The following CBR4 variants were observed in gnomAD, a reference collection of about 807,000 sequenced individuals.
CBR4 encodes the protein carbonyl reductase 4.
Under a neutral mutation model 21.0 loss-of-function variants are expected in CBR4, and 22 were observed. The observed-to-expected ratio is 1.05, with a 90% CI of 0.75 to 1.50. The LOEUF (loss-of-function observed/expected upper bound fraction) is 1.50, where lower values mean the gene tolerates loss of function less well. Ranked by LOEUF, CBR4 falls within the 40% of genes most tolerant of loss-of-function variation. The pLI, the probability that CBR4 is intolerant of heterozygous loss-of-function variation, is 0.00. For missense variants in CBR4, 302 were observed against 286.3 expected (o/e 1.05, Z -0.40); for synonymous variants, 100 against 104.4 (o/e 0.96, Z 0.26).
At chr4:168,895,689 C>T (rs185891775) in intron 2 of CBR4, among the ~76,000 whole-genome samples, 67 of 152,248 alleles carry the variant, frequency 4.4e-4, no homozygotes, top group Middle Eastern at 6.8e-3. Flanking sequence ...GTTGGTCTTG[C>T]TTATCTCAGG....
intron 2 of CBR4, chr4:168,924,340 T>C (rs1475329080): frequency 6.2e-7 from 1 of 1,613,884 alleles, no homozygotes; most frequent in Non-Finnish European, 8.5e-7. Context: ...GGCTGGAATG[T>C]CGTGTATTGG....
chr4:168,907,965 G>T (rs1482270688), intron 2 of CBR4, among the ~76,000 whole-genome samples: 4 of 152,174 alleles, frequency 2.6e-5, no homozygotes, highest in African/African-American at 9.7e-5. Flanking sequence ...AAGGGGTAGG[G>T]CTAAGAGTCT....
chr4:168,979,564 C>T (rs920191523), intron 2 of CBR4, among the ~76,000 whole-genome samples: 5 of 152,020 alleles, frequency 3.3e-5, no homozygotes, highest in African/African-American at 9.6e-5. Context: ...GGGGCTTCAG[C>T]GGTACGGCCC....
chr4:168,902,805 T>A (rs1423054833), intron 2 of CBR4, among the ~76,000 whole-genome samples: 1 of 152,220 alleles, frequency 6.6e-6, no homozygotes, highest in Non-Finnish European at 1.5e-5. Context: ...AGACAGGGCC[T>A]CAGTCACCTA....
At chr4:168,961,445 A>G (rs1763850477) in intron 2 of CBR4, among the ~76,000 whole-genome samples, 1 of 152,218 alleles carries the variant, frequency 6.6e-6, no homozygotes, top group South Asian at 2.1e-4. Flanking sequence ...TAAAACATTC[A>G]CGGACAGGTT....
intron 2 of CBR4, among the ~76,000 whole-genome samples, chr4:168,936,812 A>G (rs28821483): frequency 0.017 from 2,646 of 152,272 alleles, 63 homozygotes; most frequent in African/African-American, 0.044. Flanking sequence ...ACGTTTGACT[A>G]GTGCACCTGA....
intron 2 of CBR4, among the ~76,000 whole-genome samples, chr4:168,954,231 C>T (rs1763623459): frequency 6.6e-6 from 1 of 152,174 alleles, no homozygotes; most frequent in Non-Finnish European, 1.5e-5. Flanking sequence ...TTAAGCACAA[C>T]ACTGAAAGAC....
chr4:168,942,233 G>A (rs985401572), intron 2 of CBR4, among the ~76,000 whole-genome samples: 1 of 151,880 alleles, frequency 6.6e-6, no homozygotes, highest in Non-Finnish European at 1.5e-5. Flanking sequence ...GGGCCTGTTG[G>A]GGGGTGGGGA....
rs1010582859 is a variant in CBR4, at chr4:169,007,827, G to A, written c.143-71C>T. The A allele has an allele frequency of 2.6e-6, 3 of 1,155,098 alleles. No individual in the cohort carries two copies. The African/African-American group carries it at 4.7e-5, about 18-fold the overall frequency. The allele number at this position is 1,155,098 out of a possible 1,614,324, so 71.6% of individuals were successfully genotyped here. A position where few individuals can be genotyped will look rare whatever the true frequency, so the allele number is the denominator to read the frequency against. ...AATTTACTCAATACACATTTGTTAA[G>A]CATCTATCTAAGATGGCAGGCCTGT... On this transcript the variant is annotated intron_variant, in intron 1 of 4. Transcript: ENST00000306193.
chr4:168,995,869 G>A (rs114058034), intron 4 of CBR4, among the ~76,000 whole-genome samples: 1,728 of 152,200 alleles, frequency 0.011, 48 homozygotes, highest in African/African-American at 0.039. Flanking sequence ...CTTTTAATAA[G>A]GTCTTGTTAA....
chr4:168,938,492 GA>G (rs1180104581), intron 2 of CBR4, among the ~76,000 whole-genome samples: 2 of 151,774 alleles, frequency 1.3e-5, no homozygotes, highest in African/African-American at 4.8e-5. Context: ...ATAGAGACAC[GA>G]AAAATCCTTC....
At chr4:168,909,297 G>A in intron 2 of CBR4, among the ~76,000 whole-genome samples, 1 of 152,114 alleles carries the variant, frequency 6.6e-6, no homozygotes, top group Admixed American at 6.5e-5. Context: ...TATACAAGTG[G>A]CAAGCTTTTA....
chr4:168,916,447 G>A (rs796348530), intron 2 of CBR4, among the ~76,000 whole-genome samples: 5 of 151,104 alleles, frequency 3.3e-5, no homozygotes, highest in African/African-American at 1.2e-4. Flanking sequence ...GGGGGAAAAA[G>A]TGAAATACGT....
Position 168,913,991 on chromosome 4 carries a change from G to T in CBR4, n.170-19226C>A. Reference sequence around the variant, plus strand: ...GTCAACCAAAGAGGTCGAAGTCCCCGGTCTCCCTCAGGCCATCCTCATGTC... The same window carrying T: ...GTCAACCAAAGAGGTCGAAGTCCCCTGTCTCCCTCAGGCCATCCTCATGTC... On this transcript the variant is annotated intron_variant and non_coding_transcript_variant, in intron 2 of 3. Transcript: ENST00000509108. 1.9e-6 allele frequency: 3 copies of T among 1,611,586 alleles called. No individual in the cohort carries two copies. Among genetic ancestry groups the T allele is most frequent in the Non-Finnish European group, 2.5e-6 (3 of 1,177,766 alleles).
intron 2 of CBR4, among the ~76,000 whole-genome samples, chr4:168,966,242 C>G (rs1369098962): frequency 6.6e-6 from 1 of 150,968 alleles, no homozygotes; most frequent in Admixed American, 6.6e-5. Context: ...AGTCAGGAAA[C>G]GTGGCTCACG....
At chr4:168,909,871 T>C (rs1001043181) in intron 2 of CBR4, among the ~76,000 whole-genome samples, 1 of 152,182 alleles carries the variant, frequency 6.6e-6, no homozygotes, top group Admixed American at 6.5e-5. Context: ...TGGGGGTTTT[T>C]TCCCCCAAAC....
chr4:168,898,486 G>A lies in CBR4; in HGVS notation n.170-3721C>T, dbSNP rs765852672. ...GAGTCTGCTAACTTAAACTTTCCTT[G>A]ATTCAGGAATACAAAGTCTCCAGCT... On this transcript the variant is annotated intron_variant and non_coding_transcript_variant, in intron 2 of 3. Transcript: ENST00000509108. The A allele has an allele frequency of 2.5e-6, 4 of 1,596,912 alleles. No individual in the cohort carries two copies. The South Asian group carries it at 4.4e-5, about 18-fold the overall frequency.
intron 3 of CBR4, 135 bp downstream of exon 3, chr4:169,006,620 A>T: frequency 1.2e-6 from 1 of 842,012 alleles, no homozygotes; most frequent in Non-Finnish European, 1.8e-6. Flanking sequence ...TCATTAATCA[A>T]TTAATTAAAT....
chr4:169,006,890 C>T lies in CBR4; in HGVS notation c.265G>A (p.Asp89Asn). ...GTTTTTGTTCTTACTAAAAGACCAT[C>T]CCTACAAAAAGAAACAGCATATAAT... ...FLVNAAGINRDGLLVRTKTED... is the reference protein window; with the variant it reads ...FLVNAAGINRNGLLVRTKTED... The change falls in exon 3 of 5, where the codon GAT becomes AAT. Residue 89 changes from aspartate (D) to asparagine (N), a missense_variant and splice_region_variant. Transcript: ENST00000306193. 6.2e-7 allele frequency: 1 copy of T among 1,610,716 alleles called. No individual in the cohort carries two copies.
Sources: allele counts gnomAD v4.1 joint callset (sites outside exome capture counted in the v4.1 genomes callset), GRCh38; gene constraint gnomAD v4.1.1; transcripts MANE v1.5; gene names NCBI Gene and HGNC (gene_info 2026-07-23, HGNC 2026-07-21).